The following VWF variants were observed in gnomAD, a reference collection of about 807,000 sequenced individuals.
The protein encoded by VWF is Factor VIII related antigen.
A neutral mutation model predicts 308.6 loss-of-function variants in VWF; 176 were observed. The ratio of observed to expected loss-of-function variants is 0.57; its 90% CI spans 0.50 to 0.65. VWF has a LOEUF of 0.65. VWF is among the 30% of genes least tolerant of loss of function. The probability of loss-of-function intolerance (pLI) is 0.00; values close to 1 mark genes in which losing one functional copy is unlikely to be tolerated. For missense variants in VWF, 3,146 were observed against 3,648.2 expected, an observed-to-expected ratio of 0.86 and a Z score of 3.55; for synonymous variants, 1,385 against 1,443.4, an observed-to-expected ratio of 0.96 and a Z score of 0.92.
At position 6,029,469 on chromosome 12, in the gene VWF, A is replaced by G. The variant is rs772506779; in HGVS notation, c.2840T>C (p.Met947Thr). ...FDGEVNVKRP[M>T]KDETHFEVVE... ...CACCTCAAAGTGAGTCTCATCCTTC[A>G]TGGGCCTCTTCACATTCACCTGGAG... Residue 947 changes from methionine to threonine, a missense_variant, in exon 22 of 52, where the codon ATG becomes ACG. By Grantham distance (81) the Met-to-Thr change is moderately conservative. Around this residue, in one of 3 missense-constraint regions of VWF, gnomAD observed 1,304 missense variants for 1,353.0 expected, o/e 0.96. Coordinates refer to ENST00000261405, the MANE Select transcript of VWF (RefSeq NM_000552.5). The G allele has an allele frequency of 6.2e-7, 1 of 1,614,158 alleles. No homozygotes were observed. The highest frequency in any genetic ancestry group is 8.5e-7 in the Non-Finnish European group (1 of 1,180,022).
At chr12:6,111,275 C>T (rs1244400135) in intron 3 of VWF, among the ~76,000 whole-genome samples, 1 of 152,152 alleles carries the variant, frequency 6.6e-6, no homozygotes, top group Non-Finnish European at 1.5e-5. Context: ...AAATAGAAGA[C>T]AAACATGCGA....
At chr12:6,013,112 A>G (rs981927963) in intron 32 of VWF, among the ~76,000 whole-genome samples, 3 of 152,206 alleles carry the variant, frequency 2.0e-5, no homozygotes, top group African/African-American at 7.2e-5. Flanking sequence ...GTTGAGAGTT[A>G]GTCTAGGCCC....
intron 44 of VWF, 126 bp downstream of exon 44, chr12:5,971,473 C>G: frequency 1.3e-6 from 1 of 787,384 alleles, no homozygotes; most frequent in Non-Finnish European, 2.2e-6. Context: ...TGGATAACAC[C>G]AACAGCTGGG....
intron 6 of VWF, among the ~76,000 whole-genome samples, chr12:6,082,263 C>A (rs1293243039): frequency 1.3e-5 from 2 of 151,998 alleles, no homozygotes; most frequent in Non-Finnish European, 2.9e-5. Context: ...CCGCGCCTGG[C>A]CTAAAAATAT....
intron 3 of VWF, among the ~76,000 whole-genome samples, chr12:6,114,055 G>A (rs1344088173): frequency 1.3e-5 from 2 of 152,208 alleles, no homozygotes; most frequent in Non-Finnish European, 2.9e-5. Flanking sequence ...CATCTCACAG[G>A]GAGTTCTGCC....
chr12:5,965,678 CG>C (rs1943393856), intron 47 of VWF, among the ~76,000 whole-genome samples: 1 of 152,200 alleles, frequency 6.6e-6, no homozygotes, highest in Non-Finnish European at 1.5e-5. Flanking sequence ...TTCAGCCCAA[CG>C]TGGGCAGTTC....
At chr12:6,108,658 A>G (rs1202859980) in intron 5 of VWF, among the ~76,000 whole-genome samples, 1 of 151,958 alleles carries the variant, frequency 6.6e-6, no homozygotes, top group Non-Finnish European at 1.5e-5. Flanking sequence ...AACCAAATTT[A>G]GAAATCAATT....
chr12:6,118,683 G>A (rs11064033), intron 3 of VWF, among the ~76,000 whole-genome samples: 74,557 of 151,878 alleles, frequency 0.49, 20,035 homozygotes, highest in Non-Finnish European at 0.63. Flanking sequence ...CATTGCACCC[G>A]TGCACCCGGC....
At chr12:6,109,399 A>G (rs2136520660) in intron 5 of VWF, among the ~76,000 whole-genome samples, 1 of 152,320 alleles carries the variant, frequency 6.6e-6, no homozygotes, top group South Asian at 2.1e-4. Flanking sequence ...ATAGCCCTAA[A>G]TGTACATATC....
chr12:5,967,663 C>T (rs532340140), intron 46 of VWF, 61 bp from the exon 47 acceptor site: 2 of 1,453,062 alleles, frequency 1.4e-6, no homozygotes, highest in South Asian at 1.1e-5. Flanking sequence ...ACTCACCTCA[C>T]TCTCATACCC....
intron 20 of VWF, among the ~76,000 whole-genome samples, chr12:6,032,501 G>A (rs1198523072): frequency 1.4e-5 from 2 of 146,002 alleles, no homozygotes; most frequent in Non-Finnish European, 3.0e-5. Context: ...AGCCGGGCGT[G>A]GTGGCGGGCG....
intron 20 of VWF, among the ~76,000 whole-genome samples, chr12:6,032,555 A>G (rs886957523): frequency 1.4e-5 from 2 of 141,152 alleles, no homozygotes; most frequent in South Asian, 2.3e-4. Context: ...GGAGAATGGC[A>G]TGAATCGAGG....
At chr12:5,995,957 G>C (rs1401589451) in intron 35 of VWF, 45 bp downstream of exon 35, 1 of 1,588,770 alleles carries the variant, frequency 6.3e-7, no homozygotes, top group East Asian at 2.2e-5. Context: ...TGGTTTTCCT[G>C]ACATTCTATT....
intron 5 of VWF, among the ~76,000 whole-genome samples, chr12:6,104,316 C>T (rs1945215686): frequency 6.6e-6 from 1 of 151,734 alleles, no homozygotes; most frequent in Admixed American, 6.6e-5. Flanking sequence ...AACTCTTACA[C>T]ACTGTTGGTG....
intron 3 of VWF, 45 bp from the exon 4 acceptor site, chr12:6,111,013 A>T (rs746949713): frequency 1.3e-6 from 2 of 1,491,530 alleles, no homozygotes; most frequent in African/African-American, 2.8e-5. Context: ...ACTCCTCTCA[A>T]AAAATGAATA....
At chr12:6,064,468 G>C in intron 11 of VWF, 84 bp from the exon 12 acceptor site, 1 of 1,578,494 alleles carries the variant, frequency 6.3e-7, no homozygotes, top group Non-Finnish European at 8.6e-7. Context: ...ATCAGAGAAA[G>C]GCCTCAACCC....
chr12:6,029,319 G>C, intron 22 of VWF, 23 bp downstream of exon 22: 2 of 1,613,876 alleles, frequency 1.2e-6, no homozygotes, highest in East Asian at 4.5e-5. Context: ...TCCCCAACAA[G>C]ATGAAGCAAG....
Position 5,983,463 on chromosome 12 carries a change from T to TGATAGATA in VWF, c.6977-217_6977-210dup, listed in dbSNP as rs10535241. ...GATAACTAGATACATGAGATAGATT[T>TGATAGATA]GATAGATAGATAGATACATACATAC... On this transcript the variant is annotated intron_variant, in intron 40 of 51. Transcript: ENST00000261405. Among the ~76,000 whole-genome samples, 17 of 149,656 alleles carry TGATAGATA rather than the reference T, an allele frequency of 1.1e-4. No individual in the cohort carries two copies. The East Asian group carries it at 1.4e-3, about 12-fold the overall frequency.
intron 5 of VWF, among the ~76,000 whole-genome samples, chr12:6,101,058 T>C (rs1456169867): frequency 6.6e-6 from 1 of 150,688 alleles, no homozygotes; most frequent in African/African-American, 2.4e-5. Context: ...AATAATAGAG[T>C]AGAAAAAGAG....
Sources: gnomAD v4.1 joint callset for allele counts (sites outside exome capture counted in the v4.1 genomes callset) on GRCh38, gnomAD v4.1.1 for gene constraint, gnomAD v4.1.1 regional missense constraint, MANE v1.5 for transcripts, NCBI Gene and HGNC (gene_info 2026-07-23, HGNC 2026-07-21) for gene names.